The following NELL1 variants were observed in gnomAD, a reference collection of about 807,000 sequenced individuals.
NELL1 encodes the protein protein kinase C-binding protein NELL1.
In NELL1, 76 loss-of-function variants were observed where a neutral mutation model predicts 107.4. The observed-to-expected ratio is 0.71, with a 90% confidence interval of 0.59 to 0.86. The LOEUF is 0.86. NELL1 is among the 40% of genes least tolerant of loss of function. The pLI is 0.00. For missense variants in NELL1, 1,024 were observed against 1,005.5 expected (o/e 1.02, Z -0.25); for synonymous variants, 353 against 341.2 (o/e 1.03, Z -0.38).
chr11:20,722,637 A>C (rs1281749793), intron 2 of NELL1, among the ~76,000 whole-genome samples: 1 of 152,190 alleles, frequency 6.6e-6, no homozygotes, highest in East Asian at 1.9e-4. Flanking sequence ...GTGAGAACAC[A>C]ATAAATATGA....
intron 13 of NELL1, among the ~76,000 whole-genome samples, chr11:21,133,416 T>C (rs1347407745): frequency 2.0e-5 from 3 of 152,098 alleles, no homozygotes; most frequent in Non-Finnish European, 4.4e-5. Context: ...ACCCACCACT[T>C]CCCACCCAGG....
At chr11:20,921,459 A>G (rs566802094) in intron 7 of NELL1, among the ~76,000 whole-genome samples, 1 of 152,232 alleles carries the variant, frequency 6.6e-6, no homozygotes, top group African/African-American at 2.4e-5. Flanking sequence ...CAGAGCTGGG[A>G]CCTAAACTCA....
At chr11:21,338,745 T>C (rs1850493404) in intron 14 of NELL1, among the ~76,000 whole-genome samples, 1 of 152,046 alleles carries the variant, frequency 6.6e-6, no homozygotes, top group Admixed American at 6.6e-5. Flanking sequence ...GCAGCAGGAC[T>C]TGGAAAGGCT....
rs189039999 is a variant in NELL1 at position 21,295,752 on chromosome 11, T to C, written c.1549+66298T>C. Among the ~76,000 whole-genome samples the C allele has an allele frequency of 2.5e-3, 373 of 152,128 alleles. 1 individual carries two copies. The highest frequency in any genetic ancestry group is 6.8e-3 in the Middle Eastern group (2 of 294). ...CATTGGAACTCAGTGTGGTAAATTG[T>C]TCTTCACATCAAAATGAATTTGCTT... On this transcript the variant is annotated intron_variant, in intron 14 of 19. Coordinates refer to ENST00000357134, the MANE Select transcript of NELL1 (RefSeq NM_006157.5).
At chr11:21,464,999 G>A (rs979109364) in intron 15 of NELL1, among the ~76,000 whole-genome samples, 7 of 152,124 alleles carry the variant, frequency 4.6e-5, no homozygotes, top group African/African-American at 1.4e-4. Context: ...TGAAAGGCAG[G>A]TATGATGTTA....
intron 5 of NELL1, among the ~76,000 whole-genome samples, chr11:20,915,988 T>C: frequency 6.6e-6 from 1 of 151,586 alleles, no homozygotes; most frequent in East Asian, 1.9e-4. Context: ...AGATTATAAG[T>C]GGTATCTGTA....
At chr11:21,196,332 G>T (rs186547320) in intron 13 of NELL1, among the ~76,000 whole-genome samples, 7 of 152,136 alleles carry the variant, frequency 4.6e-5, no homozygotes, top group Admixed American at 4.6e-4. Flanking sequence ...GGCTTAAAAG[G>T]ACCTACCTGA....
chr11:21,315,065 C>T (rs1023387401), intron 14 of NELL1, among the ~76,000 whole-genome samples: 1 of 152,102 alleles, frequency 6.6e-6, no homozygotes, highest in African/African-American at 2.4e-5. Context: ...CCATGTTGGC[C>T]AGGCAGGTCT....
At chr11:21,282,931 C>T (rs1849030136) in intron 14 of NELL1, among the ~76,000 whole-genome samples, 1 of 151,362 alleles carries the variant, frequency 6.6e-6, no homozygotes, top group Non-Finnish European at 1.5e-5. Flanking sequence ...CACAGAATGA[C>T]AAATTGTGTA....
At chr11:21,342,337 A>G (rs1189651805) in intron 14 of NELL1, among the ~76,000 whole-genome samples, 1 of 147,954 alleles carries the variant, frequency 6.8e-6, no homozygotes, top group Non-Finnish European at 1.5e-5. Context: ...ATCTGTTTAT[A>G]GCAATAGAAA....
At chr11:20,972,562 G>A (rs904996623) in intron 12 of NELL1, among the ~76,000 whole-genome samples, 1 of 151,934 alleles carries the variant, frequency 6.6e-6, no homozygotes, top group Admixed American at 6.6e-5. Flanking sequence ...GAAGGGAGGA[G>A]GTTGATGTAC....
Position 21,053,114 on chromosome 11 carries a change from G to T in NELL1, c.1301-60475G>T, listed in dbSNP as rs540188092. ...TAAAGCTGGAACTGGTCTGTGTTAG[G>T]ATGACCCATTGTTTTTATTATTATA... is the stretch of plus-strand genomic sequence containing the variant. On this transcript the variant is annotated intron_variant, in intron 12 of 19. Coordinates refer to ENST00000357134, the MANE Select transcript of NELL1 (RefSeq NM_006157.5). 9.9e-5 allele frequency among the ~76,000 whole-genome samples: 15 copies of T among 152,200 alleles called. No individual in the cohort carries two copies. In the South Asian group the frequency reaches 3.1e-3, roughly 32 times the overall value.
intron 12 of NELL1, among the ~76,000 whole-genome samples, chr11:20,962,559 G>A (rs920530513): frequency 1.3e-4 from 20 of 152,002 alleles, no homozygotes; most frequent in Non-Finnish European, 2.8e-4. Context: ...AAAACTGCTG[G>A]TGCTAATGCT....
chr11:21,008,174 T>A (rs1328265226), intron 12 of NELL1, among the ~76,000 whole-genome samples: 1 of 152,146 alleles, frequency 6.6e-6, no homozygotes, highest in Admixed American at 6.6e-5. Flanking sequence ...ATCACACATT[T>A]TGGAACTTCT....
intron 12 of NELL1, among the ~76,000 whole-genome samples, chr11:21,030,622 A>ATTTTTTTTTTTTTTTTTTTTTTTTTTTTT (rs201033870): frequency 8.3e-6 from 1 of 120,122 alleles, no homozygotes; most frequent in Non-Finnish European, 1.8e-5. Flanking sequence ...ATTTTCTTGT[A>ATTTTTTTTTTTTTTTTTTTTTTTTTTTTT]TTTTTTTTTT....
intron 15 of NELL1, among the ~76,000 whole-genome samples, chr11:21,402,880 G>C (rs1362494974): frequency 6.6e-6 from 1 of 151,690 alleles, no homozygotes; most frequent in East Asian, 2.0e-4. Flanking sequence ...CTGAAACAGA[G>C]CTGAATATTG....
intron 14 of NELL1, among the ~76,000 whole-genome samples, chr11:21,275,090 C>CA (rs1362073927): frequency 2.0e-5 from 3 of 152,128 alleles, no homozygotes; most frequent in East Asian, 3.9e-4. Context: ...AAAAACCCTT[C>CA]AAAAAATCAA....
At chr11:21,513,457 ATAAC>A (rs1160376857) in intron 15 of NELL1, among the ~76,000 whole-genome samples, 2 of 152,158 alleles carry the variant, frequency 1.3e-5, no homozygotes, top group East Asian at 1.9e-4. Flanking sequence ...CCAGACTATA[ATAAC>A]TATTATTTGT....
At chr11:21,558,137 AT>A (rs1856765957) in intron 16 of NELL1, among the ~76,000 whole-genome samples, 1 of 152,018 alleles carries the variant, frequency 6.6e-6, no homozygotes, top group Non-Finnish European at 1.5e-5. Flanking sequence ...GAAAGTGCTT[AT>A]CAATTAATTG....
Sources: gnomAD v4.1 joint callset for allele counts (sites outside exome capture counted in the v4.1 genomes callset) on GRCh38, gnomAD v4.1.1 for gene constraint, MANE v1.5 for transcripts, NCBI Gene and HGNC (gene_info 2026-07-23, HGNC 2026-07-21) for gene names.